Variants in WDR7 observed in about 807,000 individuals in gnomAD.
The protein encoded by WDR7 is WD repeat domain 7, also known as WD repeat-containing protein 7.
A neutral mutation model predicts 169.4 loss-of-function variants in WDR7; 46 were observed. The ratio of observed to expected loss-of-function variants is 0.27; its 90% CI spans 0.21 to 0.35. The LOEUF (loss-of-function observed/expected upper bound fraction) is 0.35, where lower values mean the gene tolerates loss of function less well. Among genes scored for constraint, WDR7 ranks in the 10% least tolerant of loss-of-function variants. WDR7 has a pLI of 1.00. For missense variants in WDR7, 1,534 were observed against 1,859.3 expected (o/e 0.83, Z 3.22); for synonymous variants, 612 against 666.8 (o/e 0.92, Z 1.27).
chr18:56,967,191 G>GCTCAAGTCCCT (rs2047421828), intron 26 of WDR7, among the ~76,000 whole-genome samples: 1 of 151,440 alleles, frequency 6.6e-6, no homozygotes, highest in African/African-American at 2.5e-5. Flanking sequence ...GCGCTTGGGT[G>GCTCAAGTCCCT]GAAAAGTTGA....
chr18:56,902,457 T>C (rs750553627), intron 21 of WDR7, among the ~76,000 whole-genome samples: 1 of 152,212 alleles, frequency 6.6e-6, no homozygotes, highest in Non-Finnish European at 1.5e-5. Flanking sequence ...TGAAATGTTA[T>C]TGTCTTATTT....
At chr18:56,795,909 A>G (rs907662751) in intron 19 of WDR7, among the ~76,000 whole-genome samples, 2 of 152,140 alleles carry the variant, frequency 1.3e-5, no homozygotes, top group Non-Finnish European at 2.9e-5. Flanking sequence ...CATTTGTTTC[A>G]TTTTAGTTGC....
At chr18:56,948,737 C>T (rs1283219940) in intron 25 of WDR7, among the ~76,000 whole-genome samples, 1 of 152,136 alleles carries the variant, frequency 6.6e-6, no homozygotes, top group Non-Finnish European at 1.5e-5. Flanking sequence ...GACAATCAGA[C>T]CAAAGTGAAG....
chr18:56,818,109 A>G (rs2045016563), intron 20 of WDR7, among the ~76,000 whole-genome samples: 1 of 152,142 alleles, frequency 6.6e-6, no homozygotes, highest in Admixed American at 6.5e-5. Flanking sequence ...TGTCATATGT[A>G]TGTTTTTTGT....
intron 6 of WDR7, 72 bp downstream of exon 6, chr18:56,686,104 C>A (rs936249192): frequency 1.6e-6 from 2 of 1,254,978 alleles, no homozygotes; most frequent in Admixed American, 2.6e-5. Flanking sequence ...TAATGATATG[C>A]CCCTTCCATT....
chr18:56,909,820 C>T (rs907300477), intron 21 of WDR7, among the ~76,000 whole-genome samples: 21 of 152,060 alleles, frequency 1.4e-4, no homozygotes, highest in African/African-American at 5.1e-4. Context: ...AAGCCATTTG[C>T]TGCTATTTTG....
chr18:56,985,312 T>C (rs2047698237), intron 26 of WDR7, among the ~76,000 whole-genome samples: 1 of 152,218 alleles, frequency 6.6e-6, no homozygotes, highest in South Asian at 2.1e-4. Context: ...ACTTTTAAAA[T>C]AATAGGCTAA....
intron 16 of WDR7, among the ~76,000 whole-genome samples, chr18:56,766,172 T>G (rs1419432804): frequency 6.6e-6 from 1 of 152,196 alleles, no homozygotes; most frequent in East Asian, 1.9e-4. Context: ...TAACATTACT[T>G]TATTAATCTT....
At chr18:56,939,150 C>G (rs901100571) in intron 24 of WDR7, among the ~76,000 whole-genome samples, 161 bp from the exon 25 acceptor site, 19 of 152,066 alleles carry the variant, frequency 1.2e-4, no homozygotes, top group African/African-American at 4.6e-4. Flanking sequence ...AAAGGATAGA[C>G]TGTAGTATAC....
At chr18:56,905,274 G>A (rs2046460369) in intron 21 of WDR7, among the ~76,000 whole-genome samples, 2 of 152,036 alleles carry the variant, frequency 1.3e-5, no homozygotes, top group Non-Finnish European at 2.9e-5. Flanking sequence ...TCAGCCTCCC[G>A]AGTAGCTGGG....
At chr18:56,963,416 T>G (rs1159939300) in intron 26 of WDR7, among the ~76,000 whole-genome samples, 5 of 152,194 alleles carry the variant, frequency 3.3e-5, no homozygotes, top group Non-Finnish European at 1.5e-5. Context: ...TGTTAAACTG[T>G]CTGTTAAATT....
At chr18:56,910,886 G>T (rs947826156) in intron 21 of WDR7, among the ~76,000 whole-genome samples, 1 of 152,122 alleles carries the variant, frequency 6.6e-6, no homozygotes, top group South Asian at 2.1e-4. Context: ...TGTGATTGAC[G>T]TGACTTTTCC....
At chr18:56,690,742 G>C (rs1359105707) in intron 7 of WDR7, among the ~76,000 whole-genome samples, 1 of 151,998 alleles carries the variant, frequency 6.6e-6, no homozygotes, top group Admixed American at 6.5e-5. Context: ...TTGAGCCCAG[G>C]AGTTTGAGGT....
chr18:56,990,137 G>A (rs1487408942), intron 26 of WDR7, among the ~76,000 whole-genome samples: 1 of 152,186 alleles, frequency 6.6e-6, no homozygotes, highest in East Asian at 1.9e-4. Context: ...CATAGAATTT[G>A]GAATTAAATC....
chr18:56,918,300 T>G (rs2046656706), intron 21 of WDR7, among the ~76,000 whole-genome samples: 1 of 152,180 alleles, frequency 6.6e-6, no homozygotes, highest in Non-Finnish European at 1.5e-5. Context: ...CAAGTTGAGT[T>G]AGGAGTCTCT....
chr18:57,017,709 C>T (rs1417564169), intron 26 of WDR7, among the ~76,000 whole-genome samples: 1 of 152,058 alleles, frequency 6.6e-6, no homozygotes. Flanking sequence ...AGTTTCCTGG[C>T]AGTAAAGCAA....
At chr18:56,980,377 G>A (rs1187713264) in intron 26 of WDR7, among the ~76,000 whole-genome samples, 9 of 152,148 alleles carry the variant, frequency 5.9e-5, no homozygotes, top group African/African-American at 2.2e-4. Flanking sequence ...GCCGTGTGTA[G>A]AAGCCCAAGA....
intron 21 of WDR7, among the ~76,000 whole-genome samples, chr18:56,918,525 A>G (rs1265536245): frequency 2.0e-5 from 3 of 152,158 alleles, no homozygotes; most frequent in Non-Finnish European, 4.4e-5. Context: ...TTTGTTTTTT[A>G]TAAACATTAG....
At chr18:56,910,843 A>G (rs2046542794) in intron 21 of WDR7, among the ~76,000 whole-genome samples, 1 of 152,236 alleles carries the variant, frequency 6.6e-6, no homozygotes, top group African/African-American at 2.4e-5. Flanking sequence ...TGAAAGGATC[A>G]GCGCATCCTT....
Sources: gnomAD v4.1 joint callset for allele counts (sites outside exome capture counted in the v4.1 genomes callset) on GRCh38, gnomAD v4.1.1 for gene constraint, MANE v1.5 for transcripts, NCBI Gene and HGNC (gene_info 2026-07-23, HGNC 2026-07-21) for gene names.